The following PDSS2 variants were observed in gnomAD, a reference collection of about 807,000 sequenced individuals.
PDSS2 encodes the protein decaprenyl diphosphate synthase subunit 2.
PDSS2 carries 31 observed loss-of-function variants against 44.5 expected under a neutral mutation model. That is an observed-to-expected ratio of 0.70 (90% CI 0.52 to 0.94). The LOEUF (loss-of-function observed/expected upper bound fraction) is 0.94. Ranked by LOEUF, PDSS2 falls within the 40% of genes least tolerant of loss-of-function variation. The pLI is 0.00. For synonymous variants in PDSS2, 157 were observed against 180.3 expected (o/e 0.87, Z 1.03); for missense variants, 452 against 482.2 (o/e 0.94, Z 0.59).
intron 1 of PDSS2, among the ~76,000 whole-genome samples, chr6:107,421,590 G>A (rs1180978750): frequency 6.6e-6 from 1 of 151,928 alleles, no homozygotes; most frequent in Non-Finnish European, 1.5e-5. Flanking sequence ...AAAAGGTTAC[G>A]TACTATATGA....
intron 1 of PDSS2, among the ~76,000 whole-genome samples, chr6:107,363,160 G>A (rs1778833998): frequency 6.6e-6 from 1 of 152,206 alleles, no homozygotes; most frequent in South Asian, 2.1e-4. Context: ...GATGAAAACT[G>A]TTAATTTACA....
intron 1 of PDSS2, among the ~76,000 whole-genome samples, chr6:107,425,859 G>T (rs1289674931): frequency 6.6e-6 from 1 of 152,072 alleles, no homozygotes; most frequent in Admixed American, 6.5e-5. Context: ...TACTCGGGAG[G>T]CTGAGGCAGG....
intron 1 of PDSS2, among the ~76,000 whole-genome samples, chr6:107,385,042 G>GC (rs1246985019): frequency 6.6e-6 from 1 of 152,158 alleles, no homozygotes; most frequent in Non-Finnish European, 1.5e-5. Flanking sequence ...AGATTAGGGA[G>GC]CTTAAATGTT....
At chr6:107,455,311 T>C (rs1219883542) in intron 1 of PDSS2, among the ~76,000 whole-genome samples, 2 of 151,006 alleles carry the variant, frequency 1.3e-5, no homozygotes, top group African/African-American at 2.4e-5. Flanking sequence ...TCTCAGAATA[T>C]ACACATTAAT....
At chr6:107,442,428 AAAAAAAC>A (rs58521278) in intron 1 of PDSS2, among the ~76,000 whole-genome samples, 4,305 of 151,766 alleles carry the variant, frequency 0.028, 204 homozygotes, top group African/African-American at 0.095. Flanking sequence ...AAACAAAAAC[AAAAAAAC>A]AAAAAACAAA....
chr6:107,391,980 G>T (rs893991069), intron 1 of PDSS2, among the ~76,000 whole-genome samples: 7 of 151,750 alleles, frequency 4.6e-5, no homozygotes, highest in Non-Finnish European at 1.0e-4. Flanking sequence ...TCTTTGCCAG[G>T]CACATTAATA....
chr6:107,254,791 C>G (rs1774949958), intron 3 of PDSS2, among the ~76,000 whole-genome samples: 1 of 152,168 alleles, frequency 6.6e-6, no homozygotes, highest in African/African-American at 2.4e-5. Context: ...CTGTTGTTGG[C>G]TAGCACACTG....
At chr6:107,275,003 C>T (rs1223075729) in intron 2 of PDSS2, among the ~76,000 whole-genome samples, 1 of 152,044 alleles carries the variant, frequency 6.6e-6, no homozygotes, top group Admixed American at 6.6e-5. Context: ...AAATGCAAAG[C>T]TATGGGGTTT....
At position 107,459,480 on chromosome 6, in the gene PDSS2, A is replaced by G. The variant is rs909191443; in HGVS notation, c.-195T>C. ...TTCTGCAGCCCAGGCTGGGCAAACA[A>G]CAGTCCCAGCTCAGCACTGCCCCCG... On this transcript the variant is annotated 5_prime_UTR_variant, in exon 1 of 8. Coordinates refer to ENST00000369037, the MANE Select transcript of PDSS2 (RefSeq NM_020381.4). The surrounding 1 kb of genome is among the most constrained non-coding windows in gnomAD (Gnocchi z 4.3). The G allele has an allele frequency of 1.7e-6, 1 of 603,114 alleles. No individual in the cohort carries two copies. Among genetic ancestry groups the G allele is most frequent in the Non-Finnish European group, 2.9e-6 (1 of 339,400 alleles). 37.4% of individuals were successfully genotyped at this position (603,114 alleles called of 1,614,324 possible).
At chr6:107,303,650 C>T (rs1339021860) in intron 2 of PDSS2, among the ~76,000 whole-genome samples, 2 of 152,140 alleles carry the variant, frequency 1.3e-5, no homozygotes, top group African/African-American at 2.4e-5. Context: ...TATGGAACCA[C>T]CTAATTCTTT....
chr6:107,230,194 AC>A (rs1192336151), intron 4 of PDSS2: 3 of 151,682 alleles, frequency 2.0e-5, no homozygotes, highest in African/African-American at 7.3e-5. Context: ...AAATTCAGTC[AC>A]CACAAACGAC....
chr6:107,338,505 G>T (rs1031613967), intron 1 of PDSS2, among the ~76,000 whole-genome samples: 7 of 152,216 alleles, frequency 4.6e-5, no homozygotes, highest in Admixed American at 2.0e-4. Flanking sequence ...CTCCCTTCTT[G>T]TGTATAGTAG....
chr6:107,304,828 C>G (rs1336447898), intron 2 of PDSS2, among the ~76,000 whole-genome samples: 2 of 152,096 alleles, frequency 1.3e-5, no homozygotes, highest in East Asian at 3.9e-4. Flanking sequence ...AATACCTGAA[C>G]CTGTGGTGAC....
chr6:107,393,099 CTCT>C (rs1222437665), intron 1 of PDSS2, among the ~76,000 whole-genome samples: 1 of 151,886 alleles, frequency 6.6e-6, no homozygotes, highest in East Asian at 1.9e-4. Context: ...GTTTAATTTG[CTCT>C]TCTTTTCTCG....
chr6:107,307,699 G>C (rs75793676), intron 2 of PDSS2, among the ~76,000 whole-genome samples: 2,646 of 151,872 alleles, frequency 0.017, 82 homozygotes, highest in African/African-American at 0.061. Context: ...AATCATCTTG[G>C]CATGTTGCTA....
Position 107,459,369 on chromosome 6 carries a change from G to C in PDSS2, c.-84C>G, listed in dbSNP as rs1363923987. The C allele has an allele frequency of 3.5e-6, 4 of 1,140,758 alleles. No individual in the cohort carries two copies. Among genetic ancestry groups the C allele is most frequent in the Non-Finnish European group, 3.9e-6 (3 of 771,712 alleles). The allele number at this position is 1,140,758 out of a possible 1,614,324, so 70.7% of individuals were successfully genotyped here. On this transcript the variant is annotated 5_prime_UTR_variant, in exon 1 of 8. Coordinates refer to ENST00000369037, the MANE Select transcript of PDSS2 (RefSeq NM_020381.4). The surrounding 1 kb of genome is among the most constrained non-coding windows in gnomAD (Gnocchi z 4.3). Reference sequence around the variant, plus strand: ...ACCAGGGGCAGAGGAGGAACTTACAGTAACTAAAAGGAAGCGGCAATTCTT... The same window carrying C: ...ACCAGGGGCAGAGGAGGAACTTACACTAACTAAAAGGAAGCGGCAATTCTT...
chr6:107,459,369 G>A lies in PDSS2; in HGVS notation c.-84C>T, dbSNP rs1363923987. On this transcript the variant is annotated 5_prime_UTR_variant, in exon 1 of 8. Coordinates refer to ENST00000369037, the MANE Select transcript of PDSS2 (RefSeq NM_020381.4). The surrounding 1 kb of genome is among the most constrained non-coding windows in gnomAD (Gnocchi z 4.3). ...ACCAGGGGCAGAGGAGGAACTTACA[G>A]TAACTAAAAGGAAGCGGCAATTCTT... 8.8e-7 allele frequency: 1 copy of A among 1,140,750 alleles called. No homozygotes were observed. The highest frequency in any genetic ancestry group is 1.5e-5 in the African/African-American group (1 of 65,488). 70.7% of individuals were successfully genotyped at this position (1,140,750 alleles called of 1,614,324 possible).
At chr6:107,386,833 T>C (rs1446780903) in intron 1 of PDSS2, among the ~76,000 whole-genome samples, 2 of 152,224 alleles carry the variant, frequency 1.3e-5, no homozygotes, top group Non-Finnish European at 2.9e-5. Flanking sequence ...CAATCACTTT[T>C]AGTAATATGA....
chr6:107,278,869 A>G (rs1157869228), intron 2 of PDSS2, among the ~76,000 whole-genome samples: 1 of 152,202 alleles, frequency 6.6e-6, no homozygotes, highest in Non-Finnish European at 1.5e-5. Flanking sequence ...CTTGATCAAG[A>G]ACACTGAGTT....
Sources: gnomAD v4.1 joint callset for allele counts (sites outside exome capture counted in the v4.1 genomes callset) on GRCh38, gnomAD v4.1.1 for gene constraint, Gnocchi (gnomAD v3.1) non-coding constraint, MANE v1.5 for transcripts, NCBI Gene and HGNC (gene_info 2026-07-23, HGNC 2026-07-21) for gene names.